Variants in CACNA2D3 observed in about 807,000 individuals in gnomAD.
CACNA2D3 encodes calcium voltage-gated channel auxiliary subunit alpha2delta 3, also known as voltage-dependent calcium channel subunit alpha-2/delta-3.
CACNA2D3 carries 60 observed loss-of-function variants against 160.6 expected under a neutral mutation model. The observed-to-expected ratio is 0.37, with a 90% CI of 0.30 to 0.46. CACNA2D3 has a LOEUF of 0.46. Ranked by LOEUF, CACNA2D3 falls within the 20% of genes least tolerant of loss-of-function variation. The pLI is 1.00. For missense variants in CACNA2D3, 1,205 were observed against 1,365.0 expected, an observed-to-expected ratio of 0.88 and a Z score of 1.85; for synonymous variants, 558 against 492.9, an observed-to-expected ratio of 1.13 and a Z score of -1.75.
intron 4 of CACNA2D3, among the ~76,000 whole-genome samples, chr3:54,476,343 A>G (rs1265256300): frequency 6.6e-6 from 1 of 151,660 alleles, no homozygotes; most frequent in Non-Finnish European, 1.5e-5. Flanking sequence ...TATCTTGGCC[A>G]CTGTGAATAA....
intron 35 of CACNA2D3, among the ~76,000 whole-genome samples, chr3:55,067,752 CAG>C (rs1021651679): frequency 2.6e-5 from 4 of 151,834 alleles, no homozygotes; most frequent in African/African-American, 9.7e-5. Flanking sequence ...TACATAAAGA[CAG>C]AGCGATAGAT....
chr3:54,669,044 T>C (rs1261304015), intron 11 of CACNA2D3, among the ~76,000 whole-genome samples: 1 of 152,262 alleles, frequency 6.6e-6, no homozygotes, highest in East Asian at 1.9e-4. Flanking sequence ...TCTCTGATTC[T>C]TACATTCTCA....
At chr3:55,002,497 T>C (rs1175634650) in intron 31 of CACNA2D3, among the ~76,000 whole-genome samples, 1 of 152,216 alleles carries the variant, frequency 6.6e-6, no homozygotes, top group Non-Finnish European at 1.5e-5. Flanking sequence ...CTGTGACATA[T>C]CCCGGTGTCT....
At chr3:54,648,795 GC>G (rs1256209804) in intron 11 of CACNA2D3, among the ~76,000 whole-genome samples, 2 of 152,216 alleles carry the variant, frequency 1.3e-5, no homozygotes, top group Non-Finnish European at 2.9e-5. Context: ...TGAAGGAGGA[GC>G]AGGTATGTCA....
At chr3:54,721,638 G>C (rs1286053059) in intron 11 of CACNA2D3, among the ~76,000 whole-genome samples, 1 of 151,714 alleles carries the variant, frequency 6.6e-6, no homozygotes, top group African/African-American at 2.4e-5. Context: ...GTAGGCACCT[G>C]TAATCCCAAC....
rs573637344 is a variant in CACNA2D3, at chr3:54,138,826, G to C, written c.204+15232G>C. On this transcript the variant is annotated intron_variant, in intron 2 of 37. Transcript: ENST00000474759. Reference sequence around the variant, plus strand: ...AGATGAAAAGGTGACTATTATATTTGCATGTGTTTGTTTTTTGTTTTCTGA... The same window carrying C: ...AGATGAAAAGGTGACTATTATATTTCCATGTGTTTGTTTTTTGTTTTCTGA... Among the ~76,000 whole-genome samples, 18 of 152,336 alleles carry C rather than the reference G, an allele frequency of 1.2e-4. 2 individuals carry two copies. The South Asian group carries it at 3.7e-3, about 32-fold the overall frequency.
chr3:54,652,844 G>A (rs1034654492), intron 11 of CACNA2D3, among the ~76,000 whole-genome samples: 1 of 146,404 alleles, frequency 6.8e-6, no homozygotes, highest in African/African-American at 2.5e-5. Flanking sequence ...GTGTAGTTGC[G>A]TAATCATGGC....
At chr3:55,009,084 A>G (rs1703158155) in intron 33 of CACNA2D3, among the ~76,000 whole-genome samples, 1 of 152,228 alleles carries the variant, frequency 6.6e-6, no homozygotes, top group Non-Finnish European at 1.5e-5. Flanking sequence ...ATCAAACTAG[A>G]TGATATTAAG....
intron 2 of CACNA2D3, among the ~76,000 whole-genome samples, chr3:54,160,739 A>G (rs552912447): frequency 9.2e-5 from 14 of 152,314 alleles, no homozygotes; most frequent in African/African-American, 3.4e-4. Flanking sequence ...ACGTTGTTTC[A>G]AGTTTTCTGT....
intron 2 of CACNA2D3, among the ~76,000 whole-genome samples, chr3:54,249,829 T>G (rs1015510129): frequency 1.3e-5 from 2 of 152,066 alleles, no homozygotes; most frequent in Admixed American, 6.6e-5. Flanking sequence ...TCAAAGTGGT[T>G]CATTATGACC....
chr3:54,854,469 T>G (rs576196299), intron 17 of CACNA2D3, among the ~76,000 whole-genome samples: 3 of 152,302 alleles, frequency 2.0e-5, no homozygotes, highest in South Asian at 4.1e-4. Context: ...CTCCTGTGAC[T>G]GGGTGTGTGC....
At chr3:54,452,903 C>G (rs764567268) in intron 4 of CACNA2D3, among the ~76,000 whole-genome samples, 1 of 152,080 alleles carries the variant, frequency 6.6e-6, no homozygotes, top group Non-Finnish European at 1.5e-5. Flanking sequence ...GCCTCCCTCT[C>G]CATGTGGTCA....
chr3:54,414,058 AG>A (rs1215600708), intron 4 of CACNA2D3, among the ~76,000 whole-genome samples: 1 of 151,926 alleles, frequency 6.6e-6, no homozygotes, highest in African/African-American at 2.4e-5. Context: ...ATTTATACTA[AG>A]AAATAGTATA....
At chr3:54,853,056 C>T (rs1436054347) in intron 17 of CACNA2D3, among the ~76,000 whole-genome samples, 1 of 152,170 alleles carries the variant, frequency 6.6e-6, no homozygotes, top group Non-Finnish European at 1.5e-5. Flanking sequence ...AATTCTCATG[C>T]TCAACTCTTC....
chr3:54,477,522 G>A lies in CACNA2D3; in HGVS notation c.382-25970G>A, dbSNP rs1010908399. Reference sequence around the variant, plus strand: ...TTGACACAAACCAGAAATTTGGGGAGCATCTTTGACTTGCCATCTCCCTGG... The same window carrying A: ...TTGACACAAACCAGAAATTTGGGGAACATCTTTGACTTGCCATCTCCCTGG... On this transcript the variant is annotated intron_variant, in intron 4 of 37. Transcript: ENST00000474759. Among the ~76,000 whole-genome samples, 4 of 152,110 alleles carry A rather than the reference G, an allele frequency of 2.6e-5. 1 individual carries two copies. Among genetic ancestry groups the A allele is most frequent in the Admixed American group, 2.0e-4 (3 of 15,278 alleles).
chr3:54,657,856 C>T (rs528272441), intron 11 of CACNA2D3, among the ~76,000 whole-genome samples: 19 of 152,140 alleles, frequency 1.2e-4, no homozygotes, highest in African/African-American at 4.6e-4. Context: ...TGGTGAAACC[C>T]CGTCTCTACT....
intron 2 of CACNA2D3, among the ~76,000 whole-genome samples, chr3:54,265,527 AGTAT>A (rs1353750286): frequency 8.1e-6 from 1 of 123,628 alleles, no homozygotes; most frequent in Non-Finnish European, 1.6e-5. Flanking sequence ...CAGAACTTAA[AGTAT>A]GTGTGTGTGT....
At chr3:54,434,592 C>G (rs1700034998) in intron 4 of CACNA2D3, among the ~76,000 whole-genome samples, 1 of 152,214 alleles carries the variant, frequency 6.6e-6, no homozygotes, top group Non-Finnish European at 1.5e-5. Context: ...GTCTTAGGTG[C>G]TGCCATCTGA....
At chr3:54,885,703 C>A in intron 23 of CACNA2D3, 117 bp downstream of exon 23, 1 of 694,926 alleles carries the variant, frequency 1.4e-6, no homozygotes, top group African/African-American at 1.8e-5. Context: ...GATTATCAGT[C>A]ACATGAAATC....
Sources: gnomAD v4.1 joint callset for allele counts (sites outside exome capture counted in the v4.1 genomes callset) on GRCh38, gnomAD v4.1.1 for gene constraint, MANE v1.5 for transcripts, NCBI Gene and HGNC (gene_info 2026-07-23, HGNC 2026-07-21) for gene names.